Variants in PER3 observed in about 807,000 individuals in gnomAD.
The protein encoded by PER3 is period circadian regulator 3.
A neutral mutation model predicts 127.2 loss-of-function variants in PER3; 107 were observed. That is an observed-to-expected ratio of 0.84 (90% CI 0.72 to 0.99). The LOEUF (loss-of-function observed/expected upper bound fraction) is 0.99. Ranked by LOEUF, PER3 falls within the 50% of genes least tolerant of loss-of-function variation. PER3 has a pLI of 0.00. For synonymous variants in PER3, 618 were observed against 585.8 expected, an observed-to-expected ratio of 1.05 and a Z score of -0.79; for missense variants, 1,560 against 1,525.8, an observed-to-expected ratio of 1.02 and a Z score of -0.37.
chr1:7,796,827 A>G (rs1030798101), intron 6 of PER3, among the ~76,000 whole-genome samples: 1 of 152,136 alleles, frequency 6.6e-6, no homozygotes, highest in Non-Finnish European at 1.5e-5. Flanking sequence ...TATTCTGGAT[A>G]TTTTTAGAGA....
intron 5 of PER3, among the ~76,000 whole-genome samples, chr1:7,790,813 A>G (rs979006904): frequency 2.0e-5 from 3 of 152,254 alleles, no homozygotes; most frequent in Non-Finnish European, 4.4e-5. Flanking sequence ...CAAAGGGGCT[A>G]CAGGCCCCTT....
At chr1:7,799,632 A>G (rs1013991845) in intron 7 of PER3, among the ~76,000 whole-genome samples, 3 of 145,696 alleles carry the variant, frequency 2.1e-5, no homozygotes, top group African/African-American at 5.1e-5. Context: ...AAAAAAAAAG[A>G]TAATCATTTC....
At position 7,798,624 on chromosome 1, in the gene PER3, G is replaced by A. The variant is rs763304447; in HGVS notation, c.744G>A (p.Ser248=). The A allele has an allele frequency of 1.7e-5, 28 of 1,613,730 alleles. No homozygotes were observed. Among genetic ancestry groups the A allele is most frequent in the South Asian group, 7.7e-5 (7 of 91,060 alleles). ...ACCCTGCCCAGCCAGAATTGGAATC[G>A]GAACCTTGCTGTCTCACTGTGGTTG... ...VHHPAQPELE[S]EPCCLTVVEK... The change falls in exon 7 of 22, where the codon TCG becomes TCA. Residue 248 remains serine (S), a synonymous_variant. Transcript: ENST00000377532.
intron 3 of PER3, among the ~76,000 whole-genome samples, chr1:7,786,129 G>A (rs997202040): frequency 2.0e-5 from 3 of 152,164 alleles, no homozygotes; most frequent in Non-Finnish European, 4.4e-5. Flanking sequence ...GGTGGCGGGC[G>A]CCTGTAGTCC....
rs2097401828 is a variant in PER3 at position 7,843,948 on chromosome 1, C to A, written c.*1193C>A. On this transcript the variant is annotated 3_prime_UTR_variant, in exon 22 of 22. Coordinates refer to ENST00000377532, the MANE Select transcript of PER3 (RefSeq NM_001377275.1). Reference sequence around the variant, plus strand: ...CTTGGAATGATAGATGAAATTCACACCCCTGCAGATCAGAAAAAACAAATA... The same window carrying A: ...CTTGGAATGATAGATGAAATTCACAACCCTGCAGATCAGAAAAAACAAATA... 4 of 1,280,930 alleles carry A rather than the reference C, an allele frequency of 3.1e-6. No individual in the cohort carries two copies. Among genetic ancestry groups the A allele is most frequent in the South Asian group, 1.3e-5 (1 of 76,470 alleles). The allele number at this position is 1,280,930 out of a possible 1,614,324, so 79.3% of individuals were successfully genotyped here. A position where few individuals can be genotyped will look rare whatever the true frequency, so the allele number is the denominator to read the frequency against.
chr1:7,814,720 T>G (rs901116949), intron 13 of PER3, among the ~76,000 whole-genome samples: 2 of 152,180 alleles, frequency 1.3e-5, no homozygotes, highest in Admixed American at 1.3e-4. Flanking sequence ...GATAATGGAC[T>G]AAAGCAAAAC....
intron 18 of PER3, among the ~76,000 whole-genome samples, chr1:7,829,395 C>T (rs1316335655): frequency 6.6e-6 from 1 of 152,164 alleles, no homozygotes; most frequent in Non-Finnish European, 1.5e-5. Context: ...TCCTTTCCTT[C>T]TTGAGAACTT....
chr1:7,787,967 C>A, intron 4 of PER3, 78 bp from the exon 5 acceptor site: 1 of 1,042,276 alleles, frequency 9.6e-7, no homozygotes, highest in Non-Finnish European at 1.5e-6. Flanking sequence ...TGTTAGAGAT[C>A]CAGAAGAAAT....
intron 21 of PER3, among the ~76,000 whole-genome samples, chr1:7,839,812 C>T (rs1182928756): frequency 6.6e-6 from 1 of 152,166 alleles, no homozygotes; most frequent in Non-Finnish European, 1.5e-5. Context: ...TTAAGATTAT[C>T]TTTGTCTTTG....
At chr1:7,801,982 A>G (rs757998359) in intron 8 of PER3, among the ~76,000 whole-genome samples, 7 of 152,024 alleles carry the variant, frequency 4.6e-5, no homozygotes, top group Non-Finnish European at 8.8e-5. Context: ...AAATCAGTGT[A>G]TTTGATAATG....
In PER3 at chr1:7,794,009, G is replaced by T. The variant is rs1055218317; in HGVS notation, c.644+1G>T. On this transcript the variant is annotated splice_donor_variant, in intron 6 of 21. Transcript: ENST00000377532. LOFTEE classifies it high-confidence loss of function. ...TGAAACCTTTTTTCTGCAGGATCCG[G>T]TAAGTATAGTGGCTCGTGGAAGCCA... 6.2e-7 allele frequency: 1 copy of T among 1,612,338 alleles called. No homozygotes were observed. Among genetic ancestry groups the T allele is most frequent in the Non-Finnish European group, 8.5e-7 (1 of 1,178,484 alleles).
At chr1:7,794,125 AC>A (rs1481684169) in intron 6 of PER3, 117 bp downstream of exon 6, 1 of 850,492 alleles carries the variant, frequency 1.2e-6, no homozygotes, top group Non-Finnish European at 2.0e-6. Flanking sequence ...AAAAAATAAG[AC>A]TTGGTTATTG....
chr1:7,784,834 G>T lies in PER3; in HGVS notation c.-44G>T. 1 of 1,414,484 alleles carries T rather than the reference G, an allele frequency of 7.1e-7. No individual in the cohort carries two copies. Among genetic ancestry groups the T allele is most frequent in the Non-Finnish European group, 9.2e-7 (1 of 1,092,452 alleles). 87.6% of individuals were successfully genotyped at this position (1,414,484 alleles called of 1,614,324 possible). Reference sequence around the variant, plus strand: ...CTGCAAAGTGAGCGAGAAGCAGGCTGCGGGCCGTCCCAGCACGACGTGGAG... The same window carrying T: ...CTGCAAAGTGAGCGAGAAGCAGGCTTCGGGCCGTCCCAGCACGACGTGGAG... On this transcript the variant is annotated 5_prime_UTR_variant, in exon 2 of 22. Coordinates refer to ENST00000377532, the MANE Select transcript of PER3 (RefSeq NM_001377275.1).
chr1:7,796,697 G>A (rs1266266338), intron 6 of PER3, among the ~76,000 whole-genome samples: 1 of 152,130 alleles, frequency 6.6e-6, no homozygotes, highest in African/African-American at 2.4e-5. Flanking sequence ...AGGCAGGGAG[G>A]GCAGTTAGAG....
At chr1:7,810,344 C>T (rs2097213881) in intron 12 of PER3, 94 bp from the exon 13 acceptor site, 3 of 939,506 alleles carry the variant, frequency 3.2e-6, no homozygotes, top group Non-Finnish European at 3.2e-6. Context: ...ATTATATCTT[C>T]AAAGAAACAG....
At chr1:7,831,915 ATTC>A (rs1167754347) in intron 19 of PER3, among the ~76,000 whole-genome samples, 1 of 152,148 alleles carries the variant, frequency 6.6e-6, no homozygotes, top group African/African-American at 2.4e-5. Context: ...GCTAGGAACT[ATTC>A]TTTGCTATTC....
At chr1:7,824,923 G>C (rs932572235) in intron 16 of PER3, among the ~76,000 whole-genome samples, 1 of 152,170 alleles carries the variant, frequency 6.6e-6, no homozygotes, top group Non-Finnish European at 1.5e-5. Context: ...GCCCTGGTGA[G>C]TCCTTGGAAG....
chr1:7,801,857 TACTC>T (rs1282004273), intron 8 of PER3, among the ~76,000 whole-genome samples: 2 of 152,168 alleles, frequency 1.3e-5, no homozygotes, highest in Admixed American at 6.5e-5. Flanking sequence ...ACATTTTACT[TACTC>T]ATGAAATTCA....
intron 21 of PER3, among the ~76,000 whole-genome samples, chr1:7,841,161 T>C (rs938108641): frequency 1.3e-5 from 2 of 152,228 alleles, no homozygotes; most frequent in Non-Finnish European, 2.9e-5. Context: ...TCAAAATGTT[T>C]TAAGAAAGTT....
Sources: allele counts gnomAD v4.1 joint callset (sites outside exome capture counted in the v4.1 genomes callset), GRCh38; gene constraint gnomAD v4.1.1; transcripts MANE v1.5; gene names NCBI Gene and HGNC (gene_info 2026-07-23, HGNC 2026-07-21).